Variants in ARHGEF10 observed in about 807,000 individuals in gnomAD.
ARHGEF10 encodes the protein Rho guanine nucleotide exchange factor 10.
A neutral mutation model predicts 147.4 loss-of-function variants in ARHGEF10; 140 were observed. The observed-to-expected ratio is 0.95, with a 90% confidence interval of 0.83 to 1.09. The LOEUF is 1.09. Ranked by LOEUF, ARHGEF10 falls within the 50% of genes least tolerant of loss-of-function variation. ARHGEF10 has a pLI of 0.00. For synonymous variants in ARHGEF10, 902 were observed against 695.8 expected, an observed-to-expected ratio of 1.30 and a Z score of -4.67; for missense variants, 2,222 against 1,752.7, an observed-to-expected ratio of 1.27 and a Z score of -4.78.
Position 1,866,519 on chromosome 8 carries a change from C to G in ARHGEF10, c.546-7C>G, listed in dbSNP as rs890904694. 6.2e-7 allele frequency: 1 copy of G among 1,612,110 alleles called. No homozygotes were observed. Reference sequence around the variant, plus strand: ...ATATTCTGACTTTATGGTTTGTTTTCTTTAAGTGAAGATCAAGTCGGTCGA... The same window carrying G: ...ATATTCTGACTTTATGGTTTGTTTTGTTTAAGTGAAGATCAAGTCGGTCGA... On this transcript the variant is annotated splice_polypyrimidine_tract_variant and splice_region_variant and intron_variant, in intron 5 of 28. Coordinates refer to ENST00000349830, the MANE Select transcript of ARHGEF10 (RefSeq NM_014629.4).
Position 1,957,305 on chromosome 8 carries a change from G to C in ARHGEF10, c.*42G>C. 18 of 1,590,514 alleles carry C rather than the reference G, an allele frequency of 1.1e-5. No homozygotes were observed. Among genetic ancestry groups the C allele is most frequent in the Non-Finnish European group, 1.5e-5 (18 of 1,171,694 alleles). On this transcript the variant is annotated 3_prime_UTR_variant, in exon 29 of 29. Coordinates refer to ENST00000349830, the MANE Select transcript of ARHGEF10 (RefSeq NM_014629.4). ...CTGCTGTCAGAATTTGCAATCAAGG[G>C]TGACTTCTCAGCTAATCCTACAGCC...
chr8:1,833,060 A>AAG (rs1446281329), intron 1 of ARHGEF10, among the ~76,000 whole-genome samples: 3 of 63,442 alleles, frequency 4.7e-5, no homozygotes, highest in African/African-American at 1.6e-4. Flanking sequence ...AGGCAGAGAG[A>AAG]GACAGAGACA....
At position 1,945,159 on chromosome 8, in the gene ARHGEF10, G is replaced by C. The variant is rs936792215; in HGVS notation, c.3223-322G>C. Among the ~76,000 whole-genome samples the C allele has an allele frequency of 2.6e-5, 4 of 152,228 alleles. 1 individual carries two copies. Among genetic ancestry groups the C allele is most frequent in the African/African-American group, 9.7e-5 (4 of 41,446 alleles). On this transcript the variant is annotated intron_variant, in intron 26 of 28. Coordinates refer to ENST00000349830, the MANE Select transcript of ARHGEF10 (RefSeq NM_014629.4). ...TTCCAGCAGGTTCTGATGGGCCTGG[G>C]GGGATGGATCCTGTGCCTCCCCTCG...
chr8:1,855,489 C>G (rs1323930126), intron 2 of ARHGEF10, among the ~76,000 whole-genome samples: 1 of 152,090 alleles, frequency 6.6e-6, no homozygotes, highest in African/African-American at 2.4e-5. Flanking sequence ...TCAGGTGATC[C>G]TCCCACCTCA....
At chr8:1,911,319 G>T (rs1256299057) in intron 18 of ARHGEF10, among the ~76,000 whole-genome samples, 1 of 152,052 alleles carries the variant, frequency 6.6e-6, no homozygotes, top group African/African-American at 2.4e-5. Flanking sequence ...CTATGGAAAA[G>T]CACCTAGTTA....
intron 11 of ARHGEF10, among the ~76,000 whole-genome samples, chr8:1,892,502 C>G (rs1371747330): frequency 6.6e-6 from 1 of 151,990 alleles, no homozygotes; most frequent in Admixed American, 6.6e-5. Context: ...CTTGGTTGCC[C>G]TGCAATCTTT....
At chr8:1,949,905 C>T (rs527420563) in intron 27 of ARHGEF10, among the ~76,000 whole-genome samples, 5 of 152,014 alleles carry the variant, frequency 3.3e-5, no homozygotes, top group South Asian at 2.1e-4. Context: ...ACTTGGGGGA[C>T]GTATTGCTTC....
chr8:1,914,897 A>G (rs973987129), intron 18 of ARHGEF10, among the ~76,000 whole-genome samples: 1 of 152,192 alleles, frequency 6.6e-6, no homozygotes, highest in South Asian at 2.1e-4. Flanking sequence ...GGCTTTCCAC[A>G]CTGAATACCG....
intron 1 of ARHGEF10, among the ~76,000 whole-genome samples, chr8:1,829,019 G>A (rs1802930294): frequency 6.6e-6 from 1 of 152,250 alleles, no homozygotes; most frequent in Non-Finnish European, 1.5e-5. Flanking sequence ...GCGTATCTGA[G>A]CGGACACGGA....
chr8:1,880,600 A>C (rs1275686451), intron 9 of ARHGEF10, among the ~76,000 whole-genome samples: 4 of 152,234 alleles, frequency 2.6e-5, no homozygotes, highest in Non-Finnish European at 4.4e-5. Context: ...AATGCAGTAA[A>C]TATTGATACA....
Position 1,933,890 on chromosome 8 carries a change from C to T in ARHGEF10, c.3170C>T (p.Ala1057Val), listed in dbSNP as rs777115859. 1.5e-5 allele frequency: 25 copies of T among 1,614,016 alleles called. No individual in the cohort carries two copies. The highest frequency in any genetic ancestry group is 9.3e-5 in the African/African-American group (7 of 74,902). ...SLLMMEDTLW[A>V]ASGGQVFIIS... is the part of the protein sequence containing the mutation. ...CTCATGATGGAAGACACGTTGTGGG[C>T]GGCTTCCGGAGGTCAAGTCTTCATC... Residue 1057 changes from alanine (A) to valine (V), a missense_variant, in exon 26 of 29, where the codon GCG becomes GTG. By Grantham distance (64) the Ala-to-Val change is moderately conservative. Transcript: ENST00000349830.
chr8:1,942,474 C>G (rs540634776), intron 26 of ARHGEF10, among the ~76,000 whole-genome samples: 1 of 151,676 alleles, frequency 6.6e-6, no homozygotes, highest in Non-Finnish European at 1.5e-5. Flanking sequence ...CTGCAGAGTA[C>G]GTGAGGATGC....
intron 26 of ARHGEF10, among the ~76,000 whole-genome samples, chr8:1,944,723 G>A (rs1338346390): frequency 1.3e-5 from 2 of 152,192 alleles, no homozygotes; most frequent in Admixed American, 6.5e-5. Context: ...CCTGGGGCAC[G>A]CAGTGTCTCT....
chr8:1,858,251 A>T, intron 3 of ARHGEF10, 136 bp downstream of exon 3: 1 of 565,886 alleles, frequency 1.8e-6, no homozygotes, highest in African/African-American at 2.2e-5. Flanking sequence ...TCCCCAGGTG[A>T]GTCCCCTGGG....
At chr8:1,849,545 TGGGCATGGACAGCAAATGCTGAGGAGGG>T (rs1804843308) in intron 2 of ARHGEF10, among the ~76,000 whole-genome samples, 1 of 124,134 alleles carries the variant, frequency 8.1e-6, no homozygotes, top group Non-Finnish European at 1.6e-5. Flanking sequence ...GGCGGCCACG[TGGGCATGGACAGCAAATGCTGAGGAGGG>T]CGTGGGGCCA....
intron 2 of ARHGEF10, among the ~76,000 whole-genome samples, chr8:1,853,684 G>A (rs549768532): frequency 2.6e-5 from 4 of 152,342 alleles, no homozygotes; most frequent in East Asian, 3.9e-4. Context: ...GGGCTTGGCC[G>A]AGCTTGCGGG....
intron 18 of ARHGEF10, among the ~76,000 whole-genome samples, chr8:1,916,028 G>A (rs1811737894): frequency 6.6e-6 from 1 of 152,208 alleles, no homozygotes; most frequent in Non-Finnish European, 1.5e-5. Flanking sequence ...TCAGCCATGG[G>A]GATGGGCCAG....
intron 14 of ARHGEF10, among the ~76,000 whole-genome samples, chr8:1,897,797 C>G (rs970770758): frequency 6.6e-6 from 1 of 152,232 alleles, no homozygotes; most frequent in African/African-American, 2.4e-5. Context: ...GCAGTGCCCA[C>G]TCCTCAGCTC....
chr8:1,860,909 CAG>C (rs1806075331), intron 4 of ARHGEF10, among the ~76,000 whole-genome samples: 1 of 152,168 alleles, frequency 6.6e-6, no homozygotes, highest in Middle Eastern at 3.2e-3. Flanking sequence ...AGAATTGCCT[CAG>C]GGGCTCCCTG....
Sources: allele counts gnomAD v4.1 joint callset (sites outside exome capture counted in the v4.1 genomes callset), GRCh38; gene constraint gnomAD v4.1.1; transcripts MANE v1.5; gene names NCBI Gene and HGNC (gene_info 2026-07-23, HGNC 2026-07-21).